The following ANO3 variants were observed in gnomAD, a reference collection of about 807,000 sequenced individuals.
ANO3 encodes the protein anoctamin-3.
In ANO3, 99 loss-of-function variants were observed where a neutral mutation model predicts 144.8. That is an observed-to-expected ratio of 0.68 (90% CI 0.58 to 0.81). The LOEUF is 0.81. Among genes scored for constraint, ANO3 ranks in the 30% least tolerant of loss-of-function variants. The pLI is 0.00. For missense variants in ANO3, 905 were observed against 1,202.2 expected, an observed-to-expected ratio of 0.75 and a Z score of 3.66; for synonymous variants, 414 against 392.6, an observed-to-expected ratio of 1.05 and a Z score of -0.64.
chr11:26,221,658 T>C (rs148673440), intron 1 of ANO3, among the ~76,000 whole-genome samples: 2,522 of 152,316 alleles, frequency 0.017, 25 homozygotes, highest in Non-Finnish European at 0.026. Flanking sequence ...AAGTATGGCA[T>C]TGGCATCTAC....
At chr11:26,245,498 C>T (rs1564932009) in intron 1 of ANO3, among the ~76,000 whole-genome samples, 1 of 152,126 alleles carries the variant, frequency 6.6e-6, no homozygotes, top group Non-Finnish European at 1.5e-5. Context: ...TAAGGTATAG[C>T]TTTGTCTTCT....
chr11:26,585,265 G>C (rs919388940), intron 14 of ANO3, among the ~76,000 whole-genome samples: 1 of 151,924 alleles, frequency 6.6e-6, no homozygotes. Flanking sequence ...CTAATGCTTT[G>C]AGAGAGAGAG....
intron 14 of ANO3, chr11:26,565,960 T>A (rs1425774253): frequency 7.4e-7 from 1 of 1,358,582 alleles, no homozygotes; most frequent in Non-Finnish European, 9.8e-7. Flanking sequence ...TAAATGGATC[T>A]ATATATTTTA....
At chr11:26,234,851 G>A (rs1053317610) in intron 1 of ANO3, among the ~76,000 whole-genome samples, 6 of 131,034 alleles carry the variant, frequency 4.6e-5, no homozygotes, top group Non-Finnish European at 8.7e-5. Context: ...CTGTGAGCTG[G>A]AGAAACAGAA....
At chr11:26,290,474 C>T (rs2133853292) in intron 1 of ANO3, among the ~76,000 whole-genome samples, 1 of 152,210 alleles carries the variant, frequency 6.6e-6, no homozygotes, top group South Asian at 2.1e-4. Context: ...TTTGCTCTTG[C>T]TTCTCTAGTT....
In ANO3 at chr11:26,586,688, A is replaced by G. The variant is rs553086059; in HGVS notation, c.1448-11677A>G. The stretch of plus-strand genomic sequence containing the variant: ...CGGCTAACTTTTTTGTATTTTTAGT[A>G]GAGAGGAGGTTTCACCGTGTTAGCC... On this transcript the variant is annotated intron_variant, in intron 14 of 26. Transcript: ENST00000256737. Among the ~76,000 whole-genome samples, 9 of 99,924 alleles carry G rather than the reference A, an allele frequency of 9.0e-5. No homozygotes were observed. The South Asian group carries it at 3.8e-3, about 42-fold the overall frequency. 65.6% of individuals were successfully genotyped at this position (99,924 alleles called of 152,430 possible).
chr11:26,656,522 C>A, intron 26 of ANO3, 41 bp downstream of exon 26: 3 of 1,275,492 alleles, frequency 2.4e-6, no homozygotes, highest in Non-Finnish European at 3.4e-6. Context: ...TAGATAAATG[C>A]TTTTCTAAAT....
chr11:26,632,061 G>A lies in ANO3; in HGVS notation c.1874-2143G>A, dbSNP rs79830526. The stretch of plus-strand genomic sequence containing the variant: ...AAAAAAGTTAGCCAAGCATGGTGTC[G>A]GGCGCCTGTAATCCCAGCTACTTGG... On this transcript the variant is annotated intron_variant, in intron 18 of 26. Coordinates refer to ENST00000256737, the MANE Select transcript of ANO3 (RefSeq NM_031418.4). 4.1e-4 allele frequency among the ~76,000 whole-genome samples: 63 copies of A among 151,860 alleles called. No homozygotes were observed. In the East Asian group the frequency reaches 4.7e-3, roughly 11 times the overall value.
chr11:26,562,676 G>C (rs1850339885), intron 14 of ANO3, among the ~76,000 whole-genome samples: 2 of 151,794 alleles, frequency 1.3e-5, no homozygotes, highest in African/African-American at 4.8e-5. Flanking sequence ...ATGGTTAATG[G>C]AGGGCTGCTG....
chr11:26,585,598 T>C (rs1851252656), intron 14 of ANO3, among the ~76,000 whole-genome samples: 1 of 152,278 alleles, frequency 6.6e-6, no homozygotes, highest in South Asian at 2.1e-4. Flanking sequence ...CCTATCTACC[T>C]ATCTCCAGGA....
At chr11:26,522,815 G>A (rs1314376918) in intron 6 of ANO3, among the ~76,000 whole-genome samples, 20 of 152,114 alleles carry the variant, frequency 1.3e-4, no homozygotes, top group Admixed American at 1.2e-3. Context: ...AAACTAGAAT[G>A]TGATGCATAT....
intron 1 of ANO3, among the ~76,000 whole-genome samples, chr11:26,221,829 C>T (rs1286416401): frequency 6.6e-6 from 1 of 152,142 alleles, no homozygotes. Flanking sequence ...TAAGAACTCA[C>T]TCATTCACTC....
intron 14 of ANO3, chr11:26,565,841 T>G: frequency 6.2e-7 from 1 of 1,612,724 alleles, no homozygotes; most frequent in Non-Finnish European, 8.5e-7. Flanking sequence ...TCAACAGAAT[T>G]TTGGCTAAGG....
At chr11:26,555,722 A>G (rs1167432681) in intron 13 of ANO3, among the ~76,000 whole-genome samples, 2 of 152,218 alleles carry the variant, frequency 1.3e-5, no homozygotes, top group Non-Finnish European at 2.9e-5. Flanking sequence ...TTTAAAAATA[A>G]GAGTTCCTCT....
At chr11:26,356,015 T>G (rs1855773258) in intron 1 of ANO3, among the ~76,000 whole-genome samples, 1 of 152,240 alleles carries the variant, frequency 6.6e-6, no homozygotes, top group African/African-American at 2.4e-5. Flanking sequence ...TTCTCAAATT[T>G]TTAATTTTAT....
intron 1 of ANO3, among the ~76,000 whole-genome samples, chr11:26,325,058 A>C (rs1854850886): frequency 6.6e-6 from 1 of 152,132 alleles, no homozygotes; most frequent in African/African-American, 2.4e-5. Flanking sequence ...CTTTCCTGAA[A>C]GGGACCATAT....
intron 1 of ANO3, among the ~76,000 whole-genome samples, chr11:26,369,403 C>T (rs566984380): frequency 6.6e-6 from 1 of 152,252 alleles, no homozygotes; most frequent in Admixed American, 6.5e-5. Flanking sequence ...TCCTTCTCCT[C>T]CTTCCCCTAC....
intron 1 of ANO3, among the ~76,000 whole-genome samples, chr11:26,430,793 C>A (rs977689449): frequency 1.6e-4 from 25 of 152,092 alleles, no homozygotes; most frequent in Non-Finnish European, 7.4e-5. Context: ...CTATGCAAAT[C>A]AATTTGAAAG....
At chr11:26,279,486 A>G (rs10834943) in intron 1 of ANO3, among the ~76,000 whole-genome samples, 33,909 of 152,170 alleles carry the variant, frequency 0.22, 4,699 homozygotes, top group African/African-American at 0.4. Context: ...CCTACAATTC[A>G]ACAACAAAAA....
Sources: allele counts gnomAD v4.1 joint callset (sites outside exome capture counted in the v4.1 genomes callset), GRCh38; gene constraint gnomAD v4.1.1; transcripts MANE v1.5; gene names NCBI Gene and HGNC (gene_info 2026-07-23, HGNC 2026-07-21).